MAP3K2: variants seen among roughly 807,000 people sequenced by gnomAD.
MAP3K2 encodes mitogen-activated protein kinase kinase kinase 2, also known as MAP/ERK kinase kinase 2.
A neutral mutation model predicts 80.3 loss-of-function variants in MAP3K2; 24 were observed. The observed-to-expected ratio is 0.30, with a 90% CI of 0.22 to 0.42. The LOEUF (loss-of-function observed/expected upper bound fraction) is 0.42, where lower values mean the gene tolerates loss of function less well. Among genes scored for constraint, MAP3K2 ranks in the 10% least tolerant of loss-of-function variants. The probability of loss-of-function intolerance (pLI) is 1.00; values close to 1 mark genes in which losing one functional copy is unlikely to be tolerated. For synonymous variants in MAP3K2, 244 were observed against 253.7 expected, an observed-to-expected ratio of 0.96 and a Z score of 0.36; for missense variants, 608 against 750.1, an observed-to-expected ratio of 0.81 and a Z score of 2.21.
chr2:127,330,403 C>A lies in MAP3K2; in HGVS notation c.367G>T (p.Gly123Ter). The change falls in exon 6 of 17, where the codon GGA becomes TGA. Residue 123 changes from glycine to a stop codon, truncating the protein, a stop_gained. Transcript: ENST00000682094. LOFTEE classifies it high-confidence loss of function. ...ATCCCAAATCATACCTGTGTACTTC[C>A]ATTTATTACAAGTAATATCTTGAGG... ...KSLKILLVIN[G>*]STQATNLEPL... 1 of 1,572,350 alleles carries A rather than the reference C, an allele frequency of 6.4e-7. No individual in the cohort carries two copies. Among genetic ancestry groups the A allele is most frequent in the East Asian group, 2.3e-5 (1 of 44,202 alleles).
intron 1 of MAP3K2, among the ~76,000 whole-genome samples, chr2:127,345,879 G>A (rs191451732): frequency 6.6e-6 from 1 of 151,966 alleles, no homozygotes; most frequent in African/African-American, 2.4e-5. Flanking sequence ...ATTTATAACT[G>A]TAAATATTTA....
At position 127,303,084 on chromosome 2, in the gene MAP3K2, A is replaced by G. The variant is rs1207950976; in HGVS notation, c.*4495T>C. The G allele has an allele frequency of 1.2e-4, 18 of 152,098 alleles. No individual in the cohort carries two copies. Among genetic ancestry groups the G allele is most frequent in the Admixed American group, 1.2e-3 (18 of 15,262 alleles). The allele number at this position is 152,098 out of a possible 1,614,324, so 9.4% of individuals were successfully genotyped here. A position where few individuals can be genotyped will look rare whatever the true frequency, so the allele number is the denominator to read the frequency against. The stretch of plus-strand genomic sequence containing the variant: ...AGGCATACAGAGAAAAGGCACTACT[A>G]AAAATTAACAATTGGATTGCTTTTC... On this transcript the variant is annotated 3_prime_UTR_variant, in exon 17 of 17. Coordinates refer to ENST00000682094, the MANE Select transcript of MAP3K2 (RefSeq NM_001371910.2).
chr2:127,358,932 A>T (rs547256811), intron 1 of MAP3K2, among the ~76,000 whole-genome samples: 1,520 of 148,654 alleles, frequency 0.01, 21 homozygotes, highest in African/African-American at 0.028. Flanking sequence ...AAAAAAAAAA[A>T]TTTTTAAAAG....
chr2:127,377,388 G>T (rs956623515), intron 1 of MAP3K2, among the ~76,000 whole-genome samples: 23 of 147,786 alleles, frequency 1.6e-4, no homozygotes, highest in South Asian at 6.4e-4. Flanking sequence ...AATTTCAGTG[G>T]TTTTTTTTTT....
chr2:127,358,827 G>C (rs916527269), intron 1 of MAP3K2, among the ~76,000 whole-genome samples: 22 of 152,194 alleles, frequency 1.4e-4, no homozygotes, highest in African/African-American at 5.1e-4. Flanking sequence ...TACTTGACTG[G>C]CTGAGGCAGG....
intron 1 of MAP3K2, among the ~76,000 whole-genome samples, chr2:127,352,087 G>C (rs533856898): frequency 6.6e-6 from 1 of 151,972 alleles, no homozygotes; most frequent in Non-Finnish European, 1.5e-5. Context: ...ATGTTGCCCA[G>C]TCTGGTCTTG....
Position 127,307,578 on chromosome 2 carries a change from G to GC in MAP3K2, c.1860dup, listed in dbSNP as rs1308296868. Reference sequence around the variant, plus strand: ...AGAGGCACAGGAGAGGTTACTGGCTGCTAGTGATAATGCACAAACATGTGC... The same window carrying GC: ...AGAGGCACAGGAGAGGTTACTGGCTGCCTAGTGATAATGCACAAACATGTGC... On this transcript the variant is annotated 3_prime_UTR_variant, in exon 17 of 17. Transcript: ENST00000682094. This position sits in a 1 kb window ranked among gnomAD's most constrained non-coding sequence, Gnocchi z 5.4. 1.3e-6 allele frequency: 2 copies of GC among 1,558,006 alleles called. No homozygotes were observed. The highest frequency in any genetic ancestry group is 4.7e-5 in the East Asian group (2 of 42,110).
intron 1 of MAP3K2, among the ~76,000 whole-genome samples, chr2:127,351,131 A>C (rs914972407): frequency 2.6e-5 from 4 of 152,140 alleles, no homozygotes; most frequent in African/African-American, 9.7e-5. Context: ...AGACACAACA[A>C]CTAAATGCAA....
intron 1 of MAP3K2, among the ~76,000 whole-genome samples, chr2:127,373,966 AGTTCTTATCTC>A (rs1687109105): frequency 6.6e-6 from 1 of 152,202 alleles, no homozygotes; most frequent in South Asian, 2.1e-4. Context: ...AAACTCCTTC[AGTTCTTATCTC>A]GTACTTCTGT....
chr2:127,356,122 T>G (rs1686793719), intron 1 of MAP3K2, among the ~76,000 whole-genome samples: 1 of 152,160 alleles, frequency 6.6e-6, no homozygotes, highest in Non-Finnish European at 1.5e-5. Context: ...TCTGAAGTCT[T>G]GAACCCCTTC....
At chr2:127,324,297 G>T (rs925325950) in intron 9 of MAP3K2, 56 bp from the exon 10 acceptor site, 4 of 1,044,428 alleles carry the variant, frequency 3.8e-6, no homozygotes, top group Non-Finnish European at 5.6e-6. Flanking sequence ...ACATTAAAAA[G>T]AAAATCTTTG....
intron 1 of MAP3K2, among the ~76,000 whole-genome samples, chr2:127,380,937 CAT>C (rs1292014383): frequency 3.3e-5 from 5 of 152,200 alleles, no homozygotes; most frequent in African/African-American, 1.2e-4. Flanking sequence ...TCACTACAAA[CAT>C]ATCTCATCAG....
chr2:127,320,516 G>A (rs1249073153), intron 12 of MAP3K2, among the ~76,000 whole-genome samples: 1 of 152,050 alleles, frequency 6.6e-6, no homozygotes, highest in Non-Finnish European at 1.5e-5. Context: ...TAGTGTATAG[G>A]TAATAGGAAT....
intron 1 of MAP3K2, among the ~76,000 whole-genome samples, chr2:127,385,392 T>C (rs59306090): frequency 0.09 from 13,673 of 152,280 alleles, 796 homozygotes; most frequent in African/African-American, 0.17. Context: ...TAAATAATTT[T>C]TTAATTAAGG....
At position 127,303,062 on chromosome 2, in the gene MAP3K2, C is replaced by T. The variant is rs904270134; in HGVS notation, c.*4517G>A. Reference sequence around the variant, plus strand: ...TTATTAATATAAAATAAAATTAAGGCATACAGAGAAAAGGCACTACTAAAA... The same window carrying T: ...TTATTAATATAAAATAAAATTAAGGTATACAGAGAAAAGGCACTACTAAAA... On this transcript the variant is annotated 3_prime_UTR_variant, in exon 17 of 17. Transcript: ENST00000682094. 2 of 151,906 alleles carry T rather than the reference C, an allele frequency of 1.3e-5. No individual in the cohort carries two copies. Among genetic ancestry groups the T allele is most frequent in the African/African-American group, 2.4e-5 (1 of 41,366 alleles). 9.4% of individuals were successfully genotyped at this position (151,906 alleles called of 1,614,324 possible).
At chr2:127,334,157 AG>A (rs766939819) in intron 5 of MAP3K2, among the ~76,000 whole-genome samples, 77 of 152,240 alleles carry the variant, frequency 5.1e-4, no homozygotes, top group Middle Eastern at 3.4e-3. Flanking sequence ...AGAAAACCCC[AG>A]AAAAAAATTA....
chr2:127,319,680 A>G (rs13001005), intron 12 of MAP3K2, among the ~76,000 whole-genome samples: 1 of 140,898 alleles, frequency 7.1e-6, no homozygotes, highest in African/African-American at 2.6e-5. Context: ...AAAAAAAAAG[A>G]AAAAGAAAAA....
At position 127,321,966 on chromosome 2, in the gene MAP3K2, T is replaced by C; in HGVS notation, c.1045+80A>G. 8.0e-7 allele frequency: 1 copy of C among 1,249,988 alleles called. No individual in the cohort carries two copies. Among genetic ancestry groups the C allele is most frequent in the South Asian group, 1.3e-5 (1 of 75,316 alleles). 77.4% of individuals were successfully genotyped at this position (1,249,988 alleles called of 1,614,324 possible). On this transcript the variant is annotated intron_variant, in intron 12 of 16. Transcript: ENST00000682094. This position sits in a 1 kb window ranked among gnomAD's most constrained non-coding sequence, Gnocchi z 4.4. ...GTTCATCTGACCCCAAAAACTCACT[T>C]AGTATTTATTCCTTTTAATAATATA...
chr2:127,369,292 T>C (rs1687022102), intron 1 of MAP3K2, among the ~76,000 whole-genome samples: 1 of 150,824 alleles, frequency 6.6e-6, no homozygotes, highest in Non-Finnish European at 1.5e-5. Flanking sequence ...AATCCACAGA[T>C]GCAGCAGCAC....
Sources: allele counts gnomAD v4.1 joint callset (sites outside exome capture counted in the v4.1 genomes callset), GRCh38; gene constraint gnomAD v4.1.1; non-coding constraint Gnocchi (gnomAD v3.1); transcripts MANE v1.5; gene names NCBI Gene and HGNC (gene_info 2026-07-23, HGNC 2026-07-21).